DLG2: variants seen among roughly 807,000 people sequenced by gnomAD.
The protein encoded by DLG2 is discs large MAGUK scaffold protein 2.
In DLG2, 45 loss-of-function variants were observed where a neutral mutation model predicts 132.5. The observed-to-expected ratio is 0.34, with a 90% CI of 0.27 to 0.44. DLG2 has a LOEUF of 0.44. DLG2 is among the 20% of genes least tolerant of loss of function. The pLI, the probability that DLG2 is intolerant of heterozygous loss-of-function variation, is 1.00. For synonymous variants in DLG2, 424 were observed against 419.6 expected, an observed-to-expected ratio of 1.01 and a Z score of -0.13; for missense variants, 1,045 against 1,196.9, an observed-to-expected ratio of 0.87 and a Z score of 1.87.
intron 6 of DLG2, among the ~76,000 whole-genome samples, chr11:84,779,938 A>G (rs1329940762): frequency 6.6e-6 from 1 of 151,788 alleles, no homozygotes; most frequent in Non-Finnish European, 1.5e-5. Flanking sequence ...TGTGATATTC[A>G]CAACCAAATT....
At chr11:85,069,263 C>T (rs527938232) in intron 6 of DLG2, among the ~76,000 whole-genome samples, 72 of 152,216 alleles carry the variant, frequency 4.7e-4, no homozygotes, top group Admixed American at 8.5e-4. Context: ...ATGTCTAAAA[C>T]ACCAAAAGCA....
intron 18 of DLG2, among the ~76,000 whole-genome samples, chr11:83,686,250 A>G (rs1162939552): frequency 1.3e-5 from 2 of 152,156 alleles, no homozygotes; most frequent in Non-Finnish European, 2.9e-5. Flanking sequence ...CCAGAATTCC[A>G]TCTGCTCAAG....
chr11:85,310,638 C>T (rs1270490733), intron 3 of DLG2, among the ~76,000 whole-genome samples: 2 of 152,190 alleles, frequency 1.3e-5, no homozygotes, highest in Non-Finnish European at 2.9e-5. Context: ...ATGCTGTCCT[C>T]CCTGTTGCTA....
At chr11:85,387,816 C>T (rs1023750888) in intron 3 of DLG2, among the ~76,000 whole-genome samples, 4 of 152,122 alleles carry the variant, frequency 2.6e-5, no homozygotes, top group Non-Finnish European at 5.9e-5. Context: ...GAAAAAATGG[C>T]AGACAGGAAG....
chr11:84,051,427 T>C (rs1049074116), intron 11 of DLG2, among the ~76,000 whole-genome samples: 5 of 151,846 alleles, frequency 3.3e-5, no homozygotes, highest in African/African-American at 1.2e-4. Flanking sequence ...ACATACACCA[T>C]GGAATACTAT....
At chr11:84,424,848 G>A (rs1038943345) in intron 7 of DLG2, among the ~76,000 whole-genome samples, 9 of 152,022 alleles carry the variant, frequency 5.9e-5, no homozygotes, top group Non-Finnish European at 1.3e-4. Flanking sequence ...ATACCAGGTG[G>A]TGTGCAATCA....
At chr11:85,469,869 T>G (rs892269555) in intron 3 of DLG2, 5 of 152,170 alleles carry the variant, frequency 3.3e-5, no homozygotes, top group Non-Finnish European at 5.9e-5. Context: ...ACACAAGCAG[T>G]AAATATGACC....
intron 18 of DLG2, among the ~76,000 whole-genome samples, chr11:83,635,270 G>A (rs1435591913): frequency 6.6e-6 from 1 of 152,236 alleles, no homozygotes; most frequent in South Asian, 2.1e-4. Context: ...ATAAAGATAC[G>A]ATACTGTATG....
chr11:84,457,203 T>C (rs894709245), intron 7 of DLG2, among the ~76,000 whole-genome samples: 6 of 151,018 alleles, frequency 4.0e-5, no homozygotes, highest in African/African-American at 1.2e-4. Flanking sequence ...TATCAAATAG[T>C]TATCATTTAT....
At chr11:84,630,321 C>G (rs1268983741) in intron 6 of DLG2, among the ~76,000 whole-genome samples, 1 of 152,078 alleles carries the variant, frequency 6.6e-6, no homozygotes, top group Non-Finnish European at 1.5e-5. Flanking sequence ...TTTCTCCACC[C>G]CTGTTTTCAT....
chr11:85,356,836 G>C (rs72951917), intron 3 of DLG2, among the ~76,000 whole-genome samples: 4,143 of 151,360 alleles, frequency 0.027, 96 homozygotes, highest in East Asian at 0.095. Context: ...AGAGATGATA[G>C]ACAGACACAC....
intron 7 of DLG2, among the ~76,000 whole-genome samples, chr11:84,450,933 G>A (rs974557603): frequency 2.1e-4 from 32 of 151,506 alleles, no homozygotes; most frequent in African/African-American, 7.0e-4. Context: ...ATAACATAGG[G>A]AACAGAATGT....
At chr11:83,688,773 A>T (rs546561931) in intron 18 of DLG2, among the ~76,000 whole-genome samples, 38 of 152,166 alleles carry the variant, frequency 2.5e-4, no homozygotes, top group Non-Finnish European at 4.1e-4. Flanking sequence ...CTTCCTACAT[A>T]TAAGAGTTTG....
intron 6 of DLG2, among the ~76,000 whole-genome samples, chr11:84,698,148 CT>C (rs2058816216): frequency 6.6e-6 from 1 of 151,404 alleles, no homozygotes. Context: ...TGGATAGGGC[CT>C]TTGCTGATAA....
intron 11 of DLG2, among the ~76,000 whole-genome samples, chr11:84,046,629 T>C (rs990977945): frequency 1.3e-5 from 2 of 151,568 alleles, no homozygotes; most frequent in Non-Finnish European, 3.0e-5. Context: ...TTTACTCTTC[T>C]TTTTTCTTAA....
chr11:84,781,928 A>C (rs2071866112), intron 6 of DLG2, among the ~76,000 whole-genome samples: 1 of 152,118 alleles, frequency 6.6e-6, no homozygotes. Context: ...GATGGAGGAC[A>C]GACCTAGGAT....
At chr11:84,577,273 T>C (rs2099503146) in intron 6 of DLG2, among the ~76,000 whole-genome samples, 2 of 152,182 alleles carry the variant, frequency 1.3e-5, no homozygotes, top group Non-Finnish European at 2.9e-5. Flanking sequence ...AAGTGGGATG[T>C]TGCTGAAAAG....
intron 8 of DLG2, among the ~76,000 whole-genome samples, chr11:84,224,671 G>A (rs778976075): frequency 2.6e-5 from 4 of 152,164 alleles, no homozygotes; most frequent in Non-Finnish European, 5.9e-5. Context: ...CACACAGGTT[G>A]CAGAACCTAA....
At chr11:83,856,786 T>A (rs2060597167) in intron 16 of DLG2, among the ~76,000 whole-genome samples, 1 of 152,240 alleles carries the variant, frequency 6.6e-6, no homozygotes, top group Admixed American at 6.5e-5. Context: ...GTCAGTTTAC[T>A]CTGTTGATAG....
Sources: gnomAD v4.1 joint callset for allele counts (sites outside exome capture counted in the v4.1 genomes callset) on GRCh38, gnomAD v4.1.1 for gene constraint, MANE v1.5 for transcripts, NCBI Gene and HGNC (gene_info 2026-07-23, HGNC 2026-07-21) for gene names.